CSMD3: variants seen among roughly 807,000 people sequenced by gnomAD.
The protein encoded by CSMD3 is CUB and Sushi multiple domains 3.
In CSMD3, 177 loss-of-function variants were observed where a neutral mutation model predicts 435.2. The ratio of observed to expected loss-of-function variants is 0.41; its 90% confidence interval spans 0.36 to 0.46. CSMD3 has a LOEUF of 0.46. CSMD3 is among the 20% of genes least tolerant of loss of function. The pLI, the probability that CSMD3 is intolerant of heterozygous loss-of-function variation, is 0.34. For synonymous variants in CSMD3, 1,656 were observed against 1,520.5 expected (o/e 1.09, Z -2.07); for missense variants, 4,265 against 4,504.6 (o/e 0.95, Z 1.52).
At chr8:113,016,438 A>T (rs1195210520) in intron 6 of CSMD3, among the ~76,000 whole-genome samples, 2 of 151,854 alleles carry the variant, frequency 1.3e-5, no homozygotes, top group Non-Finnish European at 3.0e-5. Flanking sequence ...TCAATTATGG[A>T]ACACACTATA....
intron 24 of CSMD3, among the ~76,000 whole-genome samples, chr8:112,563,034 C>G (rs1828775100): frequency 1.3e-5 from 2 of 151,750 alleles, no homozygotes; most frequent in South Asian, 4.1e-4. Context: ...AGCAGAATGT[C>G]AACTGTGCCA....
At position 112,281,333 on chromosome 8, in the gene CSMD3, G is replaced by C. The variant is rs1179594036; in HGVS notation, c.9349C>G (p.Pro3117Ala). ...ACTTTCCCATTGGCTGTGGTTCCTGGGTTACCACACTGCACAGCTATAAAA... is the reference window on the plus strand; with the variant it reads ...ACTTTCCCATTGGCTGTGGTTCCTGCGTTACCACACTGCACAGCTATAAAA... ...PECKAVQCGNPGTTANGKVFR... is the reference protein window; with the variant it reads ...PECKAVQCGNAGTTANGKVFR... The change falls in exon 59 of 71, where the codon CCA becomes GCA. Residue 3117 changes from proline (P) to alanine (A), a missense_variant. By Grantham distance (27) the Pro-to-Ala change is conservative. Around this residue, in one of 3 missense-constraint regions of CSMD3, gnomAD observed 3,255 missense variants for 3,380.2 expected, o/e 0.96. Transcript: ENST00000297405. 6.2e-6 allele frequency: 10 copies of C among 1,612,492 alleles called. No homozygotes were observed. Among genetic ancestry groups the C allele is most frequent in the Non-Finnish European group, 7.6e-6 (9 of 1,178,988 alleles).
chr8:112,342,970 A>ATATATATATATTTATATATATATATAT (rs1825270191), intron 41 of CSMD3, among the ~76,000 whole-genome samples: 1 of 87,202 alleles, frequency 1.1e-5, no homozygotes, highest in Non-Finnish European at 2.4e-5. Context: ...CTTGAAATGT[A>ATATATATATATTTATATATATATATAT]TTATATATAT....
intron 2 of CSMD3, among the ~76,000 whole-genome samples, chr8:113,280,593 T>C (rs2093606469): frequency 6.6e-6 from 1 of 151,374 alleles, no homozygotes. Context: ...CCATTTTATC[T>C]TTTTGAAGGA....
chr8:112,836,033 A>G (rs2080013834), intron 11 of CSMD3, among the ~76,000 whole-genome samples: 1 of 151,768 alleles, frequency 6.6e-6, no homozygotes, highest in Admixed American at 6.6e-5. Context: ...ATACTTTTAT[A>G]TTGGATTTGG....
intron 5 of CSMD3, among the ~76,000 whole-genome samples, chr8:113,066,129 G>GAAAAAAAAAAA (rs532343282): frequency 1.0e-4 from 5 of 49,128 alleles, no homozygotes; most frequent in East Asian, 5.2e-4. Context: ...CCAAGAAAAA[G>GAAAAAAAAAAA]AAAAAAAAAA....
rs996654520 is a variant in CSMD3, at chr8:113,381,328, A to G, written c.178+55349T>C. 2.6e-5 allele frequency among the ~76,000 whole-genome samples: 4 copies of G among 152,312 alleles called. No homozygotes were observed. In the South Asian group the frequency reaches 8.3e-4, roughly 32 times the overall value. On this transcript the variant is annotated intron_variant, in intron 1 of 70. Transcript: ENST00000297405. ...GCATTTATATATGAAGAAGAAATTA[A>G]TGAAAATGAAGACTATCCAAGAAGC...
chr8:112,459,342 G>A (rs1468620495), intron 32 of CSMD3, among the ~76,000 whole-genome samples: 1 of 127,346 alleles, frequency 7.9e-6, no homozygotes, highest in East Asian at 2.5e-4. Flanking sequence ...AATTGTGTGT[G>A]TGTTGTGTGT....
chr8:113,402,143 T>C (rs185255176), intron 1 of CSMD3, among the ~76,000 whole-genome samples: 277 of 151,526 alleles, frequency 1.8e-3, no homozygotes, highest in Non-Finnish European at 3.2e-3. Flanking sequence ...CTTTATAACA[T>C]CTTTTGAGTC....
chr8:113,101,358 A>C (rs2090325082), intron 4 of CSMD3, among the ~76,000 whole-genome samples: 1 of 152,138 alleles, frequency 6.6e-6, no homozygotes, highest in African/African-American at 2.4e-5. Context: ...CATTTAGTCA[A>C]ATGAAAACAC....
chr8:112,363,576 A>G (rs1827469904), intron 38 of CSMD3, among the ~76,000 whole-genome samples: 1 of 152,008 alleles, frequency 6.6e-6, no homozygotes, highest in Non-Finnish European at 1.5e-5. Context: ...CAGTGTCCCT[A>G]GCTCATGATA....
chr8:112,245,163 T>C (rs1814603827), intron 64 of CSMD3, among the ~76,000 whole-genome samples: 1 of 152,106 alleles, frequency 6.6e-6, no homozygotes, highest in Admixed American at 6.6e-5. Context: ...TTTGGATCCA[T>C]ATGCTAGAAG....
intron 2 of CSMD3, chr8:113,311,396 G>A (rs2093867524): frequency 6.6e-6 from 1 of 151,972 alleles, no homozygotes; most frequent in South Asian, 2.1e-4. Context: ...ATTTATACAA[G>A]CAAGAATGAC....
chr8:112,833,030 C>T (rs12679239), intron 11 of CSMD3, among the ~76,000 whole-genome samples: 75,882 of 151,674 alleles, frequency 0.5, 19,461 homozygotes, highest in East Asian at 0.76. Flanking sequence ...TGTATGTACC[C>T]GAACTACCAC....
At chr8:113,410,607 C>G (rs138613210) in intron 1 of CSMD3, among the ~76,000 whole-genome samples, 1 of 152,094 alleles carries the variant, frequency 6.6e-6, no homozygotes, top group African/African-American at 2.4e-5. Flanking sequence ...TCCCCAAGTT[C>G]TATCTTTGGA....
intron 27 of CSMD3, among the ~76,000 whole-genome samples, chr8:112,547,938 A>G (rs1827332718): frequency 6.6e-6 from 1 of 152,180 alleles, no homozygotes; most frequent in African/African-American, 2.4e-5. Flanking sequence ...GAACATATGA[A>G]TGAATGGGTA....
At chr8:113,064,877 C>G (rs1372702699) in intron 5 of CSMD3, among the ~76,000 whole-genome samples, 2 of 152,086 alleles carry the variant, frequency 1.3e-5, no homozygotes, top group East Asian at 1.9e-4. Flanking sequence ...CCTGAATCAA[C>G]TCCATTATAT....
chr8:113,047,980 G>A (rs182147378), intron 5 of CSMD3, among the ~76,000 whole-genome samples: 2 of 151,730 alleles, frequency 1.3e-5, no homozygotes, highest in East Asian at 1.9e-4. Context: ...CTTACCTAGC[G>A]TACCAAAGAG....
chr8:112,377,193 A>G (rs995988303), intron 38 of CSMD3, among the ~76,000 whole-genome samples: 1 of 152,070 alleles, frequency 6.6e-6, no homozygotes, highest in African/African-American at 2.4e-5. Flanking sequence ...ATGTCACAGA[A>G]ATTAAAAGAA....
Sources: gnomAD v4.1 joint callset for allele counts (sites outside exome capture counted in the v4.1 genomes callset) on GRCh38, gnomAD v4.1.1 for gene constraint, gnomAD v4.1.1 regional missense constraint, MANE v1.5 for transcripts, NCBI Gene and HGNC (gene_info 2026-07-23, HGNC 2026-07-21) for gene names.